The following RFTN1 variants were observed in gnomAD, a reference collection of about 807,000 sequenced individuals.
RFTN1 encodes the protein raftlin, lipid raft linker 1, also known as raftlin.
RFTN1 carries 26 observed loss-of-function variants against 46.5 expected under a neutral mutation model. The ratio of observed to expected loss-of-function variants is 0.56; its 90% CI spans 0.41 to 0.78. The LOEUF (loss-of-function observed/expected upper bound fraction) is 0.78, where lower values mean the gene tolerates loss of function less well. Ranked by LOEUF, RFTN1 falls within the 30% of genes least tolerant of loss-of-function variation. The pLI is 0.00. For synonymous variants in RFTN1, 261 were observed against 284.2 expected, an observed-to-expected ratio of 0.92 and a Z score of 0.82; for missense variants, 693 against 718.7, an observed-to-expected ratio of 0.96 and a Z score of 0.41.
chr3:16,504,559 C>T lies in RFTN1; in HGVS notation c.-9+8883G>A, dbSNP rs2076769420. On this transcript the variant is annotated intron_variant, in intron 1 of 9. Coordinates refer to ENST00000334133, the MANE Select transcript of RFTN1 (RefSeq NM_015150.2). The surrounding 1 kb of genome is among the most constrained non-coding windows in gnomAD (Gnocchi z 4.4). ...AAGATGTGAAATATCCCTTGGCCAC[C>T]CTGTGCCTTTGCTGCAGTGCCTTGC... 6.6e-6 allele frequency among the ~76,000 whole-genome samples: 1 copy of T among 152,178 alleles called. No homozygotes were observed. The highest frequency in any genetic ancestry group is 2.1e-4 in the South Asian group (1 of 4,832).
chr3:16,452,318 T>C lies in RFTN1; in HGVS notation c.146-18281A>G, dbSNP rs542949988. Among the ~76,000 whole-genome samples the C allele has an allele frequency of 9.9e-5, 15 of 152,008 alleles. No homozygotes were observed. Among genetic ancestry groups the C allele is most frequent in the African/African-American group, 3.6e-4 (15 of 41,332 alleles). ...AAGGTAGATGAAGGTAAGGATATAA[T>C]AGAAGGCGAAGGGAAAAGTAATTTT... On this transcript the variant is annotated intron_variant, in intron 2 of 9. Transcript: ENST00000334133. The surrounding 1 kb of genome is among the most constrained non-coding windows in gnomAD (Gnocchi z 6.3).
chr3:16,450,282 G>T lies in RFTN1; in HGVS notation c.146-16245C>A, dbSNP rs1019823366. 1.3e-5 allele frequency among the ~76,000 whole-genome samples: 2 copies of T among 152,104 alleles called. No homozygotes were observed. The highest frequency in any genetic ancestry group is 4.8e-5 in the African/African-American group (2 of 41,408). ...CTGCCTTGCTTGCAGCTCTGTCTGG[G>T]AGCATTTCAGGCAAAACATTTAAAA... is the stretch of plus-strand genomic sequence containing the variant. On this transcript the variant is annotated intron_variant, in intron 2 of 9. Coordinates refer to ENST00000334133, the MANE Select transcript of RFTN1 (RefSeq NM_015150.2). This position sits in a 1 kb window ranked among gnomAD's most constrained non-coding sequence, Gnocchi z 4.6.
Position 16,320,606 on chromosome 3 carries a change from C to T in RFTN1, c.1332+2770G>A, listed in dbSNP as rs192352014. 1.3e-5 allele frequency among the ~76,000 whole-genome samples: 2 copies of T among 152,310 alleles called. No individual in the cohort carries two copies. Among genetic ancestry groups the T allele is most frequent in the Non-Finnish European group, 2.9e-5 (2 of 68,028 alleles). On this transcript the variant is annotated intron_variant, in intron 9 of 9. Coordinates refer to ENST00000334133, the MANE Select transcript of RFTN1 (RefSeq NM_015150.2). This position sits in a 1 kb window ranked among gnomAD's most constrained non-coding sequence, Gnocchi z 4.5. ...AAAGGAGAGCTCTGAAGGAGAAGAA[C>T]GTGGTTCTTTTCCAGGGTAGTACAA...
rs1347925641 is a variant in RFTN1, at chr3:16,336,805, C to G, written c.1147-9929G>C. ...TCACATCTTTGTCTCATTTTCTCTA[C>G]CAGGTAAGAAAGGCAGCAAACTCAG... is the stretch of plus-strand genomic sequence containing the variant. On this transcript the variant is annotated intron_variant, in intron 7 of 9. Coordinates refer to ENST00000334133, the MANE Select transcript of RFTN1 (RefSeq NM_015150.2). This position sits in a 1 kb window ranked among gnomAD's most constrained non-coding sequence, Gnocchi z 6.0. 6.6e-6 allele frequency among the ~76,000 whole-genome samples: 1 copy of G among 152,056 alleles called. No homozygotes were observed. The highest frequency in any genetic ancestry group is 1.5e-5 in the Non-Finnish European group (1 of 68,012).
chr3:16,377,124 C>T (rs1201083820), intron 5 of RFTN1, among the ~76,000 whole-genome samples: 3 of 151,900 alleles, frequency 2.0e-5, no homozygotes, highest in Non-Finnish European at 4.4e-5. Flanking sequence ...TACAGAGAAA[C>T]GGAGGGAAAC....
chr3:16,381,457 GGGATGT>G lies in RFTN1; in HGVS notation c.442-3361_442-3356del, dbSNP rs1191222455. 1.3e-5 allele frequency among the ~76,000 whole-genome samples: 2 copies of G among 152,216 alleles called. No individual in the cohort carries two copies. The highest frequency in any genetic ancestry group is 4.8e-5 in the African/African-American group (2 of 41,450). Reference sequence around the variant, plus strand: ...GAGAAAAGTTTCTCCGAGTAGATCAGGGATGTAACAAATGACGTGGTGTAACACAAA... The same window carrying G: ...GAGAAAAGTTTCTCCGAGTAGATCAGAACAAATGACGTGGTGTAACACAAA... On this transcript the variant is annotated intron_variant, in intron 4 of 9. Transcript: ENST00000334133. This position sits in a 1 kb window ranked among gnomAD's most constrained non-coding sequence, Gnocchi z 4.2.
Position 16,468,954 on chromosome 3 carries a change from A to G in RFTN1, c.145+24771T>C, listed in dbSNP as rs2076147726. On this transcript the variant is annotated intron_variant, in intron 2 of 9. Coordinates refer to ENST00000334133, the MANE Select transcript of RFTN1 (RefSeq NM_015150.2). This position sits in a 1 kb window ranked among gnomAD's most constrained non-coding sequence, Gnocchi z 4.4. Reference sequence around the variant, plus strand: ...GCCAAAAGGCCAATCCATTCCCCCCATCACTCAGCCTGCCTGAATCGCATC... The same window carrying G: ...GCCAAAAGGCCAATCCATTCCCCCCGTCACTCAGCCTGCCTGAATCGCATC... Among the ~76,000 whole-genome samples the G allele has an allele frequency of 6.6e-6, 1 of 152,196 alleles. No individual in the cohort carries two copies. Among genetic ancestry groups the G allele is most frequent in the Non-Finnish European group, 1.5e-5 (1 of 68,034 alleles).
At chr3:16,395,375 C>G (rs2074443081) in intron 4 of RFTN1, among the ~76,000 whole-genome samples, 3 of 151,932 alleles carry the variant, frequency 2.0e-5, no homozygotes, top group African/African-American at 7.3e-5. Flanking sequence ...AATATGCTGT[C>G]CAAGATAGTA....
In RFTN1 at chr3:16,450,643, C is replaced by T. The variant is rs1006006610; in HGVS notation, c.146-16606G>A. Among the ~76,000 whole-genome samples the T allele has an allele frequency of 5.3e-5, 8 of 152,194 alleles. No homozygotes were observed. Among genetic ancestry groups the T allele is most frequent in the Admixed American group, 3.9e-4 (6 of 15,284 alleles). ...AACTGCTCCTGAGGCAGGACAGGCA[C>T]CCCAAACCAGGATTAAAACAATAAG... On this transcript the variant is annotated intron_variant, in intron 2 of 9. Transcript: ENST00000334133. The surrounding 1 kb of genome is among the most constrained non-coding windows in gnomAD (Gnocchi z 4.6).
At position 16,346,874 on chromosome 3, in the gene RFTN1, C is replaced by G. The variant is rs1305916931; in HGVS notation, c.1146+11058G>C. On this transcript the variant is annotated intron_variant, in intron 7 of 9. Transcript: ENST00000334133. The surrounding 1 kb of genome is among the most constrained non-coding windows in gnomAD (Gnocchi z 4.4). ...GATGAGTACAGAAAGATGGCAACAT[C>G]TGGATCCCTGGTGGCATCTTTAAGC... Among the ~76,000 whole-genome samples, 1 of 152,174 alleles carries G rather than the reference C, an allele frequency of 6.6e-6. No homozygotes were observed. Among genetic ancestry groups the G allele is most frequent in the Non-Finnish European group, 1.5e-5 (1 of 68,022 alleles).
intron 2 of RFTN1, among the ~76,000 whole-genome samples, chr3:16,488,298 C>T (rs903254036): frequency 6.6e-6 from 1 of 152,124 alleles, no homozygotes; most frequent in Non-Finnish European, 1.5e-5. Context: ...GGGGTTTCTC[C>T]ATGTTGGTCA....
At chr3:16,405,025 C>T (rs937152669) in intron 4 of RFTN1, among the ~76,000 whole-genome samples, 1 of 152,166 alleles carries the variant, frequency 6.6e-6, no homozygotes, top group South Asian at 2.1e-4. Flanking sequence ...CTTCAAAGTG[C>T]TCTCCAAACT....
In RFTN1 at chr3:16,509,329, A is replaced by G. The variant is rs1228805821; in HGVS notation, c.-9+4113T>C. Reference sequence around the variant, plus strand: ...TTTGGAAATCCGTGATTGTAGACAGATTTTGCCTTCAAAAAACCAGAATGT... The same window carrying G: ...TTTGGAAATCCGTGATTGTAGACAGGTTTTGCCTTCAAAAAACCAGAATGT... On this transcript the variant is annotated intron_variant, in intron 1 of 9. Transcript: ENST00000334133. This position sits in a 1 kb window ranked among gnomAD's most constrained non-coding sequence, Gnocchi z 4.9. 2.0e-5 allele frequency among the ~76,000 whole-genome samples: 3 copies of G among 152,194 alleles called. No homozygotes were observed. Among genetic ancestry groups the G allele is most frequent in the Admixed American group, 6.5e-5 (1 of 15,276 alleles).
chr3:16,336,001 C>T lies in RFTN1; in HGVS notation c.1147-9125G>A, dbSNP rs958471190. On this transcript the variant is annotated intron_variant, in intron 7 of 9. Coordinates refer to ENST00000334133, the MANE Select transcript of RFTN1 (RefSeq NM_015150.2). The surrounding 1 kb of genome is among the most constrained non-coding windows in gnomAD (Gnocchi z 6.0). The stretch of plus-strand genomic sequence containing the variant: ...TCAGGGCTGCCTGGGCCCTGCTCAG[C>T]ACACGCTGGCTATAGCGGCACTCGA... Among the ~76,000 whole-genome samples, 1 of 152,182 alleles carries T rather than the reference C, an allele frequency of 6.6e-6. No homozygotes were observed. Among genetic ancestry groups the T allele is most frequent in the Non-Finnish European group, 1.5e-5 (1 of 68,028 alleles).
intron 1 of RFTN1, among the ~76,000 whole-genome samples, chr3:16,497,607 C>A (rs77784945): frequency 1.9e-3 from 290 of 152,318 alleles, no homozygotes; most frequent in African/African-American, 6.7e-3. Flanking sequence ...CTCAGGCAGA[C>A]CTGCCTTGCT....
intron 2 of RFTN1, among the ~76,000 whole-genome samples, chr3:16,455,555 A>T (rs1435030673): frequency 6.6e-6 from 1 of 152,156 alleles, no homozygotes; most frequent in Non-Finnish European, 1.5e-5. Flanking sequence ...ATAGGGGAGC[A>T]TTCTGCCCAC....
chr3:16,478,751 C>T (rs983067499), intron 2 of RFTN1, among the ~76,000 whole-genome samples: 1 of 152,144 alleles, frequency 6.6e-6, no homozygotes, highest in Non-Finnish European at 1.5e-5. Flanking sequence ...GATTCACTTT[C>T]CCCAGGGCTA....
rs1283236086 is a variant in RFTN1 at position 16,466,362 on chromosome 3, CTG to C, written c.145+27361_145+27362del. ...TAAAGATGTAATATCTATGAAATCT[CTG>C]TTGTTATTTACCTATGATAGTAAAA... On this transcript the variant is annotated intron_variant, in intron 2 of 9. Coordinates refer to ENST00000334133, the MANE Select transcript of RFTN1 (RefSeq NM_015150.2). The surrounding 1 kb of genome is among the most constrained non-coding windows in gnomAD (Gnocchi z 5.6). Among the ~76,000 whole-genome samples the C allele has an allele frequency of 2.4e-4, 37 of 152,200 alleles. No individual in the cohort carries two copies. The highest frequency in any genetic ancestry group is 1.0e-4 in the Non-Finnish European group (7 of 68,034).
chr3:16,414,456 A>C (rs1253010531), intron 3 of RFTN1, among the ~76,000 whole-genome samples: 3 of 151,940 alleles, frequency 2.0e-5, no homozygotes, highest in African/African-American at 7.3e-5. Context: ...AAAATACAAA[A>C]ATTAGCCAGG....
Sources: allele counts gnomAD v4.1 joint callset (sites outside exome capture counted in the v4.1 genomes callset), GRCh38; gene constraint gnomAD v4.1.1; non-coding constraint Gnocchi (gnomAD v3.1); transcripts MANE v1.5; gene names NCBI Gene and HGNC (gene_info 2026-07-23, HGNC 2026-07-21).